PARD3B: variants seen among roughly 807,000 people sequenced by gnomAD.
PARD3B encodes par-3 family cell polarity regulator beta.
In PARD3B, 103 loss-of-function variants were observed where a neutral mutation model predicts 130.2. That is an observed-to-expected ratio of 0.79 (90% CI 0.67 to 0.93). PARD3B has a LOEUF of 0.93. Ranked by LOEUF, PARD3B falls within the 40% of genes least tolerant of loss-of-function variation. The pLI is 0.00. For missense variants in PARD3B, 1,609 were observed against 1,499.2 expected (o/e 1.07, Z -1.21); for synonymous variants, 583 against 553.2 (o/e 1.05, Z -0.76).
chr2:204,672,792 C>T (rs1468552570), intron 1 of PARD3B, among the ~76,000 whole-genome samples: 1 of 152,146 alleles, frequency 6.6e-6, no homozygotes, highest in African/African-American at 2.4e-5. Flanking sequence ...TCTCTTTGCC[C>T]TCCTAACTGC....
chr2:205,254,225 C>G lies in PARD3B; in HGVS notation c.2185+8403C>G, dbSNP rs140788046. Among the ~76,000 whole-genome samples, 456 of 151,502 alleles carry G rather than the reference C, an allele frequency of 3.0e-3. 1 individual carries two copies. The highest frequency in any genetic ancestry group is 0.01 in the African/African-American group (433 of 41,254). Reference sequence around the variant, plus strand: ...TAGTCTGCCAGGATTCACCAAATGGCTGTCTAGCCATTCTAGCAATGTTTT... The same window carrying G: ...TAGTCTGCCAGGATTCACCAAATGGGTGTCTAGCCATTCTAGCAATGTTTT... On this transcript the variant is annotated intron_variant, in intron 16 of 22. Coordinates refer to ENST00000406610, the MANE Select transcript of PARD3B (RefSeq NM_001302769.2).
intron 13 of PARD3B, among the ~76,000 whole-genome samples, chr2:205,180,300 T>C (rs1328995108): frequency 6.6e-6 from 1 of 151,792 alleles, no homozygotes; most frequent in African/African-American, 2.4e-5. Context: ...AGTCTATTGA[T>C]TTAGAGACCA....
chr2:205,388,295 T>A (rs1220472590), intron 18 of PARD3B, among the ~76,000 whole-genome samples: 1 of 152,202 alleles, frequency 6.6e-6, no homozygotes, highest in Non-Finnish European at 1.5e-5. Context: ...GAATTACTCA[T>A]CTGTGGTATT....
intron 21 of PARD3B, among the ~76,000 whole-genome samples, chr2:205,532,546 A>C (rs760228438): frequency 2.6e-5 from 4 of 152,224 alleles, no homozygotes; most frequent in Non-Finnish European, 4.4e-5. Context: ...CACACCTTAC[A>C]TAGGGCAGTT....
At chr2:204,857,232 G>T (rs2044987501) in intron 2 of PARD3B, among the ~76,000 whole-genome samples, 1 of 152,046 alleles carries the variant, frequency 6.6e-6, no homozygotes, top group Non-Finnish European at 1.5e-5. Context: ...ATTCATGAAG[G>T]CACATCTTTC....
At chr2:204,626,031 G>A (rs1434697450) in intron 1 of PARD3B, among the ~76,000 whole-genome samples, 1 of 152,046 alleles carries the variant, frequency 6.6e-6, no homozygotes, top group East Asian at 1.9e-4. Flanking sequence ...AATATTTCTG[G>A]CATAAAGACT....
intron 2 of PARD3B, among the ~76,000 whole-genome samples, chr2:204,789,527 T>C (rs1396273870): frequency 6.6e-6 from 1 of 152,248 alleles, no homozygotes; most frequent in Non-Finnish European, 1.5e-5. Flanking sequence ...AAAACTCACA[T>C]ACATAAAACA....
At chr2:204,839,308 T>G (rs1038215733) in intron 2 of PARD3B, among the ~76,000 whole-genome samples, 2 of 152,212 alleles carry the variant, frequency 1.3e-5, no homozygotes, top group African/African-American at 4.8e-5. Context: ...TATCATCGTA[T>G]CAATTTTACA....
At chr2:205,294,279 T>C (rs537872545) in intron 16 of PARD3B, among the ~76,000 whole-genome samples, 42 of 152,258 alleles carry the variant, frequency 2.8e-4, no homozygotes, top group Non-Finnish European at 4.9e-4. Context: ...TATGTATCTT[T>C]AGAAATAGTT....
At chr2:205,593,732 G>C (rs1320653672) in intron 22 of PARD3B, among the ~76,000 whole-genome samples, 8 of 152,182 alleles carry the variant, frequency 5.3e-5, no homozygotes, top group African/African-American at 1.7e-4. Flanking sequence ...ACGGTGGCGA[G>C]AGGTGGGGTA....
At chr2:204,978,277 C>T (rs1341745064) in intron 3 of PARD3B, among the ~76,000 whole-genome samples, 1 of 152,122 alleles carries the variant, frequency 6.6e-6, no homozygotes, top group Non-Finnish European at 1.5e-5. Flanking sequence ...TATAGTGTTA[C>T]ACAGATCAAT....
rs2042892932 is a variant in PARD3B at position 205,325,057 on chromosome 2, C to G, written c.2630+23356C>G. ...TCTCTCTCCATCTTCACTGCACTTC[C>G]TTAGTTCAAATTCTCCTAATTTCTC... On this transcript the variant is annotated intron_variant, in intron 18 of 22. Transcript: ENST00000406610. This position sits in a 1 kb window ranked among gnomAD's most constrained non-coding sequence, Gnocchi z 4.1. Among the ~76,000 whole-genome samples, 2 of 152,140 alleles carry G rather than the reference C, an allele frequency of 1.3e-5. No individual in the cohort carries two copies. Among genetic ancestry groups the G allele is most frequent in the South Asian group, 4.1e-4 (2 of 4,826 alleles).
At chr2:205,216,078 T>G (rs1017655684) in intron 15 of PARD3B, among the ~76,000 whole-genome samples, 1 of 152,158 alleles carries the variant, frequency 6.6e-6, no homozygotes, top group Non-Finnish European at 1.5e-5. Flanking sequence ...GACTGCATAT[T>G]AGTCCCATGA....
chr2:204,749,435 T>G (rs946403999), intron 2 of PARD3B, among the ~76,000 whole-genome samples: 4 of 152,172 alleles, frequency 2.6e-5, no homozygotes, highest in Admixed American at 6.5e-5. Context: ...TATTAGTAAC[T>G]CAAATATTTC....
chr2:205,018,025 A>G (rs1393943966), intron 3 of PARD3B, among the ~76,000 whole-genome samples: 1 of 152,208 alleles, frequency 6.6e-6, no homozygotes, highest in Non-Finnish European at 1.5e-5. Context: ...AAATGTAAAC[A>G]TATGCTGTTG....
rs946930087 is a variant in PARD3B at position 204,708,673 on chromosome 2, C to A, written c.222+22391C>A. On this transcript the variant is annotated intron_variant, in intron 2 of 22. Coordinates refer to ENST00000406610, the MANE Select transcript of PARD3B (RefSeq NM_001302769.2). ...GTTTCTAGGGATTTACATCCTAAGT[C>A]TCATGTAAAATTCTTCTCATAGAAT... Among the ~76,000 whole-genome samples, 3 of 152,178 alleles carry A rather than the reference C, an allele frequency of 2.0e-5. No homozygotes were observed. In the South Asian group the frequency reaches 6.2e-4, roughly 32 times the overall value.
chr2:205,497,215 AAAAAG>A (rs986870603), intron 20 of PARD3B, among the ~76,000 whole-genome samples: 7 of 151,568 alleles, frequency 4.6e-5, no homozygotes, highest in Non-Finnish European at 1.0e-4. Context: ...AAAAAAAAAA[AAAAAG>A]AAAGAAAGGT....
Position 204,890,344 on chromosome 2 carries a change from TG to T in PARD3B, c.223-74807del, listed in dbSNP as rs1158133958. Among the ~76,000 whole-genome samples the T allele has an allele frequency of 1.3e-5, 2 of 152,204 alleles. No individual in the cohort carries two copies. Among genetic ancestry groups the T allele is most frequent in the African/African-American group, 4.8e-5 (2 of 41,450 alleles). ...ACAGCATAATGGTCTTGGGAATGCT[TG>T]TGTTTTCCTAATATATCCAGAAGGA... On this transcript the variant is annotated intron_variant, in intron 2 of 22. Coordinates refer to ENST00000406610, the MANE Select transcript of PARD3B (RefSeq NM_001302769.2). The surrounding 1 kb of genome is among the most constrained non-coding windows in gnomAD (Gnocchi z 4.9).
At chr2:205,250,760 C>T (rs2039808839) in intron 16 of PARD3B, among the ~76,000 whole-genome samples, 1 of 151,914 alleles carries the variant, frequency 6.6e-6, no homozygotes, top group Admixed American at 6.6e-5. Flanking sequence ...GAAACCCCGT[C>T]TCTACTAAAA....
Sources: gnomAD v4.1 joint callset for allele counts (sites outside exome capture counted in the v4.1 genomes callset) on GRCh38, gnomAD v4.1.1 for gene constraint, Gnocchi (gnomAD v3.1) non-coding constraint, MANE v1.5 for transcripts, NCBI Gene and HGNC (gene_info 2026-07-23, HGNC 2026-07-21) for gene names.